PRKAG2: variants seen among roughly 807,000 people sequenced by gnomAD.
PRKAG2 encodes the protein protein kinase AMP-activated non-catalytic subunit gamma 2.
PRKAG2 carries 26 observed loss-of-function variants against 69.6 expected under a neutral mutation model. That is an observed-to-expected ratio of 0.37 (90% CI 0.27 to 0.52). The LOEUF (loss-of-function observed/expected upper bound fraction) is 0.52, where lower values mean the gene tolerates loss of function less well. Among genes scored for constraint, PRKAG2 ranks in the 20% least tolerant of loss-of-function variants. The pLI, the probability that PRKAG2 is intolerant of heterozygous loss-of-function variation, is 0.90. For synonymous variants in PRKAG2, 293 were observed against 285.0 expected (o/e 1.03, Z -0.28); for missense variants, 557 against 740.0 (o/e 0.75, Z 2.87).
chr7:151,856,984 C>T (rs10275405), intron 1 of PRKAG2, among the ~76,000 whole-genome samples: 1 of 152,190 alleles, frequency 6.6e-6, no homozygotes, highest in Non-Finnish European at 1.5e-5. Context: ...AGCCCAAAGT[C>T]TACTGCTTTC....
intron 5 of PRKAG2, among the ~76,000 whole-genome samples, chr7:151,620,168 C>T (rs1228270489): frequency 6.6e-6 from 1 of 152,152 alleles, no homozygotes; most frequent in African/African-American, 2.4e-5. Context: ...ATACTTTTAG[C>T]TACTTAAAGA....
Position 151,568,761 on chromosome 7 carries a change from A to C in PRKAG2, c.1188T>G (p.Leu396=). The part of the protein sequence containing the change: ...PVIDPISGNA[L]YILTHKRILK... ...GGATTCTTTTGTGGGTAAGTATATAAAGTGCATTCCCACTGATAGGGTCAA... is the reference window on the plus strand; with the variant it reads ...GGATTCTTTTGTGGGTAAGTATATACAGTGCATTCCCACTGATAGGGTCAA... Residue 396 remains leucine (L), a synonymous_variant, in exon 11 of 16, where the codon CTT becomes CTG. Transcript: ENST00000287878. 1 of 1,614,072 alleles carries C rather than the reference A, an allele frequency of 6.2e-7. No homozygotes were observed. Among genetic ancestry groups the C allele is most frequent in the Non-Finnish European group, 8.5e-7 (1 of 1,179,928 alleles).
At chr7:151,560,277 C>A in intron 15 of PRKAG2, 1 of 1,394,764 alleles carries the variant, frequency 7.2e-7, no homozygotes, top group Non-Finnish European at 9.4e-7. Context: ...GCTCCCAAGT[C>A]ATTTAGGGGG....
intron 1 of PRKAG2, among the ~76,000 whole-genome samples, chr7:151,832,251 GGGAGGAGGGAAGGA>G (rs2079047712): frequency 1.3e-4 from 3 of 22,988 alleles, no homozygotes; most frequent in African/African-American, 3.4e-4. Flanking sequence ...AGGGAAGGAA[GGGAGGAGGGAAGGA>G]AGGGAGGAGG....
intron 4 of PRKAG2, among the ~76,000 whole-genome samples, chr7:151,649,022 T>C (rs1828028291): frequency 6.6e-6 from 1 of 152,154 alleles, no homozygotes; most frequent in South Asian, 2.1e-4. Flanking sequence ...GTTAAAGGAA[T>C]GTTCTTGTCA....
chr7:151,732,692 C>T (rs1799145516), intron 3 of PRKAG2, among the ~76,000 whole-genome samples: 1 of 152,030 alleles, frequency 6.6e-6, no homozygotes, highest in South Asian at 2.1e-4. Flanking sequence ...GAAAAGGCAC[C>T]CAGAGTGGTT....
chr7:151,706,469 C>T (rs1287368529), intron 3 of PRKAG2, among the ~76,000 whole-genome samples: 1 of 152,148 alleles, frequency 6.6e-6, no homozygotes, highest in Non-Finnish European at 1.5e-5. Context: ...GGACTATCTC[C>T]CCACCTGGGA....
intron 6 of PRKAG2, among the ~76,000 whole-genome samples, chr7:151,586,130 A>T (rs1409042297): frequency 1.3e-5 from 2 of 152,216 alleles, no homozygotes; most frequent in Non-Finnish European, 2.9e-5. Context: ...CATCCAACAC[A>T]ATTAGAAACC....
intron 3 of PRKAG2, among the ~76,000 whole-genome samples, chr7:151,761,106 G>A (rs1024793147): frequency 6.6e-6 from 1 of 152,212 alleles, no homozygotes; most frequent in Non-Finnish European, 1.5e-5. Flanking sequence ...TATTGCTTCT[G>A]ACCTCCAAGT....
chr7:151,692,255 A>G (rs1466643770), intron 3 of PRKAG2, among the ~76,000 whole-genome samples: 1 of 152,210 alleles, frequency 6.6e-6, no homozygotes, highest in Non-Finnish European at 1.5e-5. Context: ...ACAATAGAAC[A>G]CTACTCAGTA....
At chr7:151,621,154 G>A (rs1241663013) in intron 5 of PRKAG2, among the ~76,000 whole-genome samples, 1 of 152,160 alleles carries the variant, frequency 6.6e-6, no homozygotes, top group Non-Finnish European at 1.5e-5. Flanking sequence ...AAGACTGATC[G>A]CTTGTTTTCT....
intron 3 of PRKAG2, among the ~76,000 whole-genome samples, chr7:151,767,584 C>T (rs1405708958): frequency 6.6e-6 from 1 of 152,240 alleles, no homozygotes; most frequent in Non-Finnish European, 1.5e-5. Context: ...AGCCACCATG[C>T]CCAGCCAACT....
intron 1 of PRKAG2, among the ~76,000 whole-genome samples, chr7:151,848,639 C>G (rs2079496237): frequency 6.7e-6 from 1 of 149,088 alleles, no homozygotes; most frequent in East Asian, 2.0e-4. Flanking sequence ...ATTCTCCTGC[C>G]TCAGCCTCCT....
chr7:151,585,902 C>A (rs550726128), intron 6 of PRKAG2, among the ~76,000 whole-genome samples: 2 of 152,186 alleles, frequency 1.3e-5, no homozygotes, highest in Admixed American at 1.3e-4. Flanking sequence ...CAGCGCAGGA[C>A]GCGTTCCTGA....
chr7:151,676,901 G>A (rs1038731588), intron 3 of PRKAG2, among the ~76,000 whole-genome samples: 1 of 152,228 alleles, frequency 6.6e-6, no homozygotes, highest in African/African-American at 2.4e-5. Flanking sequence ...CAGAGGCAGC[G>A]ATCGGAGCAA....
At chr7:151,664,378 C>A (rs1423426388) in intron 4 of PRKAG2, among the ~76,000 whole-genome samples, 1 of 152,150 alleles carries the variant, frequency 6.6e-6, no homozygotes, top group Non-Finnish European at 1.5e-5. Flanking sequence ...GGTGCAGGAA[C>A]TTCCCATTAG....
Position 151,557,207 on chromosome 7 carries a change from C to T in PRKAG2, c.1704G>A (p.Thr568=), listed in dbSNP as rs138167675. ...GCGTCTACATTCACGGCGGTCACTCCGTTTCTGTCTCCTTTTGTTTGGCAC... is the reference window on the plus strand; with the variant it reads ...GCGTCTACATTCACGGCGGTCACTCTGTTTCTGTCTCCTTTTGTTTGGCAC... ...PAGAKQKETE[T]E Residue 568 remains threonine (T), a synonymous_variant, in exon 16 of 16, where the codon ACG becomes ACA. Coordinates refer to ENST00000287878, the MANE Select transcript of PRKAG2 (RefSeq NM_016203.4). 450 of 1,614,148 alleles carry T rather than the reference C, an allele frequency of 2.8e-4. No homozygotes were observed. In the African/African-American group the frequency reaches 5.2e-3, roughly 19 times the overall value.
intron 3 of PRKAG2, among the ~76,000 whole-genome samples, chr7:151,681,592 T>G (rs77162763): frequency 6.6e-6 from 1 of 152,088 alleles, no homozygotes; most frequent in Non-Finnish European, 1.5e-5. Flanking sequence ...ACTTTTTTTT[T>G]GTTTTTTGCA....
At chr7:151,574,982 C>T (rs1395301600) in intron 7 of PRKAG2, 33 bp from the exon 8 acceptor site, 4 of 1,609,820 alleles carry the variant, frequency 2.5e-6, no homozygotes, top group Non-Finnish European at 3.4e-6. Flanking sequence ...ACAAATAAAA[C>T]CATGAAAACA....
Sources: gnomAD v4.1 joint callset for allele counts (sites outside exome capture counted in the v4.1 genomes callset) on GRCh38, gnomAD v4.1.1 for gene constraint, MANE v1.5 for transcripts, NCBI Gene and HGNC (gene_info 2026-07-23, HGNC 2026-07-21) for gene names.